The following CSMD3 variants were observed in gnomAD, a reference collection of about 807,000 sequenced individuals.
CSMD3 encodes CUB and Sushi multiple domains 3, also known as CUB and sushi domain-containing protein 3.
A neutral mutation model predicts 435.2 loss-of-function variants in CSMD3; 177 were observed. The observed-to-expected ratio is 0.41, with a 90% confidence interval of 0.36 to 0.46. The LOEUF is 0.46. CSMD3 is among the 20% of genes least tolerant of loss of function. CSMD3 has a pLI of 0.34. For missense variants in CSMD3, 4,265 were observed against 4,504.6 expected (o/e 0.95, Z 1.52); for synonymous variants, 1,656 against 1,520.5 (o/e 1.09, Z -2.07).
intron 3 of CSMD3, among the ~76,000 whole-genome samples, chr8:113,210,797 G>C (rs538920820): frequency 1.3e-5 from 2 of 151,770 alleles, no homozygotes; most frequent in South Asian, 4.2e-4. Context: ...GAATCACTTG[G>C]ACCCAGGAGA....
chr8:112,297,520 G>A (rs888866767), intron 53 of CSMD3, among the ~76,000 whole-genome samples: 2 of 152,006 alleles, frequency 1.3e-5, no homozygotes, highest in African/African-American at 4.8e-5. Flanking sequence ...GTAGCAAAAT[G>A]CAGTGCCTAT....
chr8:112,470,970 T>A (rs1818466888), intron 32 of CSMD3, among the ~76,000 whole-genome samples: 1 of 152,210 alleles, frequency 6.6e-6, no homozygotes, highest in South Asian at 2.1e-4. Context: ...GCAGTTTTTT[T>A]ATATTAAGAG....
At chr8:113,200,250 T>C (rs958233836) in intron 3 of CSMD3, among the ~76,000 whole-genome samples, 1 of 151,776 alleles carries the variant, frequency 6.6e-6, no homozygotes, top group Non-Finnish European at 1.5e-5. Context: ...ACCCCCAAAC[T>C]ATACTGCACA....
At chr8:112,680,440 GT>G (rs2075863789) in intron 16 of CSMD3, among the ~76,000 whole-genome samples, 1 of 152,172 alleles carries the variant, frequency 6.6e-6, no homozygotes, top group South Asian at 2.1e-4. Flanking sequence ...CAAAAACTAT[GT>G]TAAAAGAATG....
chr8:112,753,798 G>A (rs975045200), intron 13 of CSMD3, among the ~76,000 whole-genome samples: 10 of 152,164 alleles, frequency 6.6e-5, no homozygotes, highest in African/African-American at 2.4e-4. Context: ...AATGTATGAG[G>A]AGTTTTAAGG....
At chr8:112,450,724 A>G (rs1362536812) in intron 32 of CSMD3, among the ~76,000 whole-genome samples, 1 of 152,206 alleles carries the variant, frequency 6.6e-6, no homozygotes, top group Admixed American at 6.5e-5. Context: ...ACTGCCCTTC[A>G]GTTTCTATCT....
intron 2 of CSMD3, among the ~76,000 whole-genome samples, chr8:113,296,360 A>T (rs552503034): frequency 6.6e-6 from 1 of 151,974 alleles, no homozygotes; most frequent in East Asian, 1.9e-4. Context: ...CTCTACTAAA[A>T]TACAAAAAAT....
At chr8:112,973,041 T>C (rs1240061493) in intron 7 of CSMD3, among the ~76,000 whole-genome samples, 1 of 151,882 alleles carries the variant, frequency 6.6e-6, no homozygotes, top group African/African-American at 2.4e-5. Flanking sequence ...ATAAATTGTG[T>C]TTTGCAAAAT....
chr8:112,818,585 T>C (rs2079443396), intron 12 of CSMD3, among the ~76,000 whole-genome samples: 1 of 152,214 alleles, frequency 6.6e-6, no homozygotes, highest in African/African-American at 2.4e-5. Flanking sequence ...TCCTTCAGCT[T>C]AGGTTTTAAA....
intron 59 of CSMD3, among the ~76,000 whole-genome samples, chr8:112,267,754 C>T (rs1817088605): frequency 6.6e-6 from 1 of 152,086 alleles, no homozygotes; most frequent in African/African-American, 2.4e-5. Context: ...GAGTTCTGCA[C>T]ATCATGGCAC....
intron 32 of CSMD3, among the ~76,000 whole-genome samples, chr8:112,447,841 T>C (rs1815793355): frequency 1.3e-5 from 2 of 152,168 alleles, no homozygotes; most frequent in African/African-American, 2.4e-5. Flanking sequence ...CAGAAACACA[T>C]TGTCATAACA....
chr8:112,313,860 C>T (rs755461444), intron 49 of CSMD3, 46 bp downstream of exon 49: 14 of 1,450,252 alleles, frequency 9.7e-6, no homozygotes, highest in Middle Eastern at 1.7e-4. Context: ...ATAATCATAC[C>T]GAAGATGATA....
At chr8:112,255,480 A>G (rs7006723) in intron 61 of CSMD3, 53 bp from the exon 62 acceptor site, 514,062 of 1,502,944 alleles carry the variant, frequency 0.34, 94,158 homozygotes, top group African/African-American at 0.69. Flanking sequence ...ACAGCAGAGT[A>G]CACAGTTTGG....
chr8:112,980,013 C>T lies in CSMD3; in HGVS notation c.1031-3865G>A, dbSNP rs142847456. Reference sequence around the variant, plus strand: ...TGATAATGGAAAATCACTTGTTACACATATAAGTTTGAAATTTTATTTAAT... The same window carrying T: ...TGATAATGGAAAATCACTTGTTACATATATAAGTTTGAAATTTTATTTAAT... On this transcript the variant is annotated intron_variant, in intron 6 of 70. Coordinates refer to ENST00000297405, the MANE Select transcript of CSMD3 (RefSeq NM_198123.2). Among the ~76,000 whole-genome samples the T allele has an allele frequency of 6.7e-3, 1,007 of 150,972 alleles. 12 individuals carry two copies. Among genetic ancestry groups the T allele is most frequent in the African/African-American group, 0.023 (964 of 41,446 alleles).
At chr8:113,079,614 T>G (rs1344031010) in intron 5 of CSMD3, among the ~76,000 whole-genome samples, 1 of 152,142 alleles carries the variant, frequency 6.6e-6, no homozygotes, top group Non-Finnish European at 1.5e-5. Context: ...CTCAGTCTTC[T>G]TGTAGAAACT....
rs2130063622 is a variant in CSMD3 at position 112,408,354 on chromosome 8, G to T, written c.5569C>A (p.Pro1857Thr). The change falls in exon 34 of 71, where the codon CCA (proline) becomes ACA (threonine). Residue 1857 changes from proline (P) to threonine (T), a missense_variant. This residue lies in a region of CSMD3 where 3,255 missense variants were observed against 3,380.2 expected (regional missense o/e 0.96). Transcript: ENST00000297405. ...QITIRFTSVG[P>T]ITAKGFHFVY... ...AAGTGAAATCCCTTAGCTGTTATTGGTCCAACTGAAGTAAATCGAATTGTG... is the reference window on the plus strand; with the variant it reads ...AAGTGAAATCCCTTAGCTGTTATTGTTCCAACTGAAGTAAATCGAATTGTG... 2 of 1,611,496 alleles carry T rather than the reference G, an allele frequency of 1.2e-6. No individual in the cohort carries two copies. The highest frequency in any genetic ancestry group is 1.7e-5 in the Admixed American group (1 of 59,942).
chr8:112,523,998 T>C (rs917493622), intron 27 of CSMD3, among the ~76,000 whole-genome samples: 2 of 152,112 alleles, frequency 1.3e-5, no homozygotes, highest in Non-Finnish European at 2.9e-5. Context: ...TCCAAGTATA[T>C]AGAAATCTCT....
At chr8:112,698,454 A>C (rs2076308332) in intron 13 of CSMD3, among the ~76,000 whole-genome samples, 1 of 125,990 alleles carries the variant, frequency 7.9e-6, no homozygotes, top group Non-Finnish European at 1.6e-5. Context: ...TATATTGAGT[A>C]CCCAGATTTG....
At chr8:112,928,009 T>C (rs972253647) in intron 9 of CSMD3, among the ~76,000 whole-genome samples, 2 of 152,132 alleles carry the variant, frequency 1.3e-5, no homozygotes, top group African/African-American at 4.8e-5. Context: ...TCAAGTATAC[T>C]AGAAAGATAA....
Sources: gnomAD v4.1 joint callset for allele counts (sites outside exome capture counted in the v4.1 genomes callset) on GRCh38, gnomAD v4.1.1 for gene constraint, gnomAD v4.1.1 regional missense constraint, MANE v1.5 for transcripts, NCBI Gene and HGNC (gene_info 2026-07-23, HGNC 2026-07-21) for gene names.